FBN2: variants seen among roughly 807,000 people sequenced by gnomAD.
The protein encoded by FBN2 is fibrillin 2, also known as fibrillin-2.
A neutral mutation model predicts 355.6 loss-of-function variants in FBN2; 105 were observed. That is an observed-to-expected ratio of 0.30 (90% CI 0.25 to 0.35). FBN2 has a LOEUF of 0.35. FBN2 is among the 10% of genes least tolerant of loss of function. The pLI, the probability that FBN2 is intolerant of heterozygous loss-of-function variation, is 1.00. For missense variants in FBN2, 3,280 were observed against 3,758.7 expected, an observed-to-expected ratio of 0.87 and a Z score of 3.33; for synonymous variants, 1,350 against 1,301.2, an observed-to-expected ratio of 1.04 and a Z score of -0.81.
In FBN2 at chr5:128,537,424, C is replaced by A. The variant is rs1022956122; in HGVS notation, c.180G>T (p.Ala60=). 1 of 1,609,542 alleles carries A rather than the reference C, an allele frequency of 6.2e-7. No homozygotes were observed. The change falls in exon 1 of 65, where the codon GCG becomes GCT. Residue 60 remains alanine (A), a synonymous_variant. Coordinates refer to ENST00000262464, the MANE Select transcript of FBN2 (RefSeq NM_001999.4). The part of the protein sequence containing the change: ...ATAGSEGGFL[A]PEYREEGAAV... The stretch of plus-strand genomic sequence containing the variant: ...CGGCACCCTCCTCGCGATACTCGGG[C>A]GCTAGAAACCCGCCTTCAGAGCCTG...
intron 62 of FBN2, among the ~76,000 whole-genome samples, chr5:128,266,676 C>CTT (rs1271829457): frequency 6.6e-6 from 1 of 152,036 alleles, no homozygotes; most frequent in Non-Finnish European, 1.5e-5. Context: ...CCTATTTCTA[C>CTT]TTTTGTTCTC....
chr5:128,330,606 C>T lies in FBN2; in HGVS notation c.4312G>A (p.Glu1438Lys), dbSNP rs56168072. 16,193 of 1,614,008 alleles carry T rather than the reference C, an allele frequency of 0.01. 128 individuals are homozygous for T. Among genetic ancestry groups the T allele is most frequent in the Non-Finnish European group, 0.011 (13,565 of 1,179,934 alleles). ...TPGSYRCACSEGFTGDGFTCS... is the reference protein window; with the variant it reads ...TPGSYRCACSKGFTGDGFTCS... ...GTAAAGCCATCACCAGTGAAACCTT[C>T]GGAGCAGGCACAGCGGTATGAGCCC... Residue 1438 changes from glutamate to lysine, a missense_variant, in exon 33 of 65, where the codon GAA becomes AAA. Physicochemically the swap from Glu to Lys is moderately conservative, Grantham distance 56 (BLOSUM62 1). Coordinates refer to ENST00000262464, the MANE Select transcript of FBN2 (RefSeq NM_001999.4).
chr5:128,406,852 T>G (rs958503284), intron 8 of FBN2, among the ~76,000 whole-genome samples: 2 of 152,144 alleles, frequency 1.3e-5, no homozygotes, highest in Admixed American at 6.5e-5. Context: ...TAAGGGGGAA[T>G]TAGAGTATTA....
intron 8 of FBN2, among the ~76,000 whole-genome samples, chr5:128,400,123 T>C (rs1339870250): frequency 1.3e-5 from 2 of 151,792 alleles, no homozygotes; most frequent in African/African-American, 2.4e-5. Flanking sequence ...GGAAAATACA[T>C]AGTAGGTATA....
In FBN2 at chr5:128,536,465, T is replaced by C; in HGVS notation, c.274A>G (p.Arg92Gly). The C allele has an allele frequency of 6.2e-7, 1 of 1,613,948 alleles. No homozygotes were observed. The highest frequency in any genetic ancestry group is 8.5e-7 in the Non-Finnish European group (1 of 1,179,962). The change falls in exon 2 of 65, where the codon AGA (arginine) becomes GGA (glycine). Residue 92 changes from arginine (R) to glycine (G), a missense_variant. Transcript: ENST00000262464. ...CCAGGGCAGCAGTAGGAGTGGAATCTGGAGCCGCACACGTTGGGCCTGTGA... is the reference window on the plus strand; with the variant it reads ...CCAGGGCAGCAGTAGGAGTGGAATCCGGAGCCGCACACGTTGGGCCTGTGA... The part of the protein sequence containing the change: ...VLRGPNVCGS[R>G]FHSYCCPGWK...
At chr5:128,382,781 T>G (rs1278386849) in intron 11 of FBN2, among the ~76,000 whole-genome samples, 4 of 152,086 alleles carry the variant, frequency 2.6e-5, no homozygotes, top group Non-Finnish European at 5.9e-5. Context: ...AAGCACTTGT[T>G]GAATCATTAA....
At chr5:128,449,982 A>T (rs1014621452) in intron 6 of FBN2, among the ~76,000 whole-genome samples, 1 of 152,154 alleles carries the variant, frequency 6.6e-6, no homozygotes, top group Non-Finnish European at 1.5e-5. Context: ...TCAAGAAGAC[A>T]TGATAATGCT....
chr5:128,399,985 A>G (rs1314597619), intron 8 of FBN2, among the ~76,000 whole-genome samples: 1 of 152,050 alleles, frequency 6.6e-6, no homozygotes, highest in Non-Finnish European at 1.5e-5. Context: ...TAATATAATA[A>G]ATACACATGG....
chr5:128,455,412 G>C (rs1433265676), intron 6 of FBN2, among the ~76,000 whole-genome samples: 2 of 152,096 alleles, frequency 1.3e-5, no homozygotes, highest in Non-Finnish European at 2.9e-5. Flanking sequence ...AAGCCATCAA[G>C]AATTGATATG....
rs144561967 is a variant in FBN2 at position 128,299,546 on chromosome 5, C to T, written c.6166+1271G>A. On this transcript the variant is annotated intron_variant, in intron 48 of 64. Transcript: ENST00000262464. ...CTGGTGCGCCGTTTTTTAAGCCCGTCGGAAAACCGCAGTATTCGGGTGGAA... is the reference window on the plus strand; with the variant it reads ...CTGGTGCGCCGTTTTTTAAGCCCGTTGGAAAACCGCAGTATTCGGGTGGAA... Among the ~76,000 whole-genome samples, 1,177 of 152,200 alleles carry T rather than the reference C, an allele frequency of 7.7e-3. 14 individuals are homozygous for T. The highest frequency in any genetic ancestry group is 0.026 in the African/African-American group (1,072 of 41,518).
At position 128,259,317 on chromosome 5, in the gene FBN2, C is replaced by T; in HGVS notation, c.*138G>A. ...AATTATCCCTCCCTGTGAGGGTCAA[C>T]ATTCAAAGTCTAAGACAGGGAGGAA... On this transcript the variant is annotated 3_prime_UTR_variant, in exon 65 of 65. Transcript: ENST00000262464. 3 of 1,148,302 alleles carry T rather than the reference C, an allele frequency of 2.6e-6. No individual in the cohort carries two copies. In the Admixed American group the frequency reaches 5.2e-5, roughly 20 times the overall value. 71.1% of individuals were successfully genotyped at this position (1,148,302 alleles called of 1,614,324 possible).
intron 5 of FBN2, among the ~76,000 whole-genome samples, chr5:128,518,214 G>T (rs938740979): frequency 6.6e-6 from 1 of 152,228 alleles, no homozygotes; most frequent in East Asian, 1.9e-4. Flanking sequence ...CAACCTAAAA[G>T]ATCACACTCT....
Position 128,392,029 on chromosome 5 carries a change from C to G in FBN2, c.1592G>C (p.Gly531Ala), listed in dbSNP as rs34450503. 1,606 of 1,613,724 alleles carry G rather than the reference C, an allele frequency of 1.0e-3. 9 individuals carry two copies. The highest frequency in any genetic ancestry group is 1.6e-3 in the South Asian group (143 of 91,074). The change falls in exon 11 of 65, where the codon GGA becomes GCA. Residue 531 changes from glycine (G) to alanine (A), a missense_variant. By Grantham distance (60) the Gly-to-Ala change is moderately conservative. Around this residue, in one of 6 missense-constraint regions of FBN2, gnomAD observed 2,284 missense variants for 2,749.5 expected, o/e 0.83. Transcript: ENST00000262464. ...AATCACAAACTTACCTATACAATCT[C>G]CATTTGCATCCTGCTTATAACCCAT... ...CNMGYKQDANGDCIDVDECTS... is the reference protein window; with the variant it reads ...CNMGYKQDANADCIDVDECTS...
intron 55 of FBN2, among the ~76,000 whole-genome samples, chr5:128,286,155 C>T (rs970552361): frequency 2.6e-5 from 4 of 152,070 alleles, no homozygotes; most frequent in Non-Finnish European, 4.4e-5. Context: ...CTCCTATGTA[C>T]GTCTATTTTT....
At chr5:128,336,426 C>A (rs1750845340) in intron 27 of FBN2, among the ~76,000 whole-genome samples, 1 of 152,160 alleles carries the variant, frequency 6.6e-6, no homozygotes, top group South Asian at 2.1e-4. Context: ...TTAATTTTAA[C>A]TGAATTTACA....
intron 7 of FBN2, among the ~76,000 whole-genome samples, chr5:128,415,606 G>C (rs1753176068): frequency 6.6e-6 from 1 of 152,084 alleles, no homozygotes; most frequent in South Asian, 2.1e-4. Flanking sequence ...CAGTCATCCA[G>C]TGACGAATGC....
intron 19 of FBN2, among the ~76,000 whole-genome samples, chr5:128,359,310 G>A (rs1344754538): frequency 1.3e-5 from 2 of 150,874 alleles, no homozygotes; most frequent in African/African-American, 5.0e-5. Flanking sequence ...ATAATTCCCT[G>A]TCTAGTCTTT....
At chr5:128,458,430 AC>A (rs34640113) in intron 6 of FBN2, among the ~76,000 whole-genome samples, 25,003 of 151,282 alleles carry the variant, frequency 0.17, 2,156 homozygotes, top group Non-Finnish European at 0.2. Flanking sequence ...AATATTCAGT[AC>A]TTGAACTCAG....
intron 7 of FBN2, among the ~76,000 whole-genome samples, chr5:128,424,148 G>T (rs530257610): frequency 4.6e-5 from 7 of 152,218 alleles, no homozygotes; most frequent in Non-Finnish European, 1.0e-4. Flanking sequence ...CTGGCAGGCA[G>T]CTCCAGACAA....
Sources: allele counts gnomAD v4.1 joint callset (sites outside exome capture counted in the v4.1 genomes callset), GRCh38; gene constraint gnomAD v4.1.1; regional missense constraint gnomAD v4.1.1; transcripts MANE v1.5; gene names NCBI Gene and HGNC (gene_info 2026-07-23, HGNC 2026-07-21).